The following FKBP10 variants were observed in gnomAD, a reference collection of about 807,000 sequenced individuals.
FKBP10 encodes FKBP prolyl isomerase 10.
In FKBP10, 34 loss-of-function variants were observed where a neutral mutation model predicts 53.7. The ratio of observed to expected loss-of-function variants is 0.63; its 90% CI spans 0.48 to 0.84. The LOEUF (loss-of-function observed/expected upper bound fraction) is 0.84, where lower values mean the gene tolerates loss of function less well. Among genes scored for constraint, FKBP10 ranks in the 40% least tolerant of loss-of-function variants. FKBP10 has a pLI of 0.00. For missense variants in FKBP10, 748 were observed against 797.8 expected (o/e 0.94, Z 0.75); for synonymous variants, 324 against 335.7 (o/e 0.97, Z 0.38).
At position 41,821,778 on chromosome 17, in the gene FKBP10, CAT is replaced by C. The variant is rs1441460398; in HGVS notation, c.1525_1526del (p.Met509GlyfsTer23). 1.9e-6 allele frequency: 3 copies of C among 1,614,080 alleles called. No homozygotes were observed. Among genetic ancestry groups the C allele is most frequent in the Non-Finnish European group, 2.5e-6 (3 of 1,180,036 alleles). ...ACCCTCCTGCCAACCTGTTTGAAGA[CAT>C]GGACCTCAACAAGGATGGCGAGGTC... Reference protein sequence around the residue: ...KDPPANLFEDMDLNKDGEVPP... With the variant: ...KDPPANLFEDXDLNKDGEVPP... On this transcript the variant is annotated frameshift_variant, in exon 9 of 10. Coordinates refer to ENST00000321562, the MANE Select transcript of FKBP10 (RefSeq NM_021939.4). LOFTEE classifies it high-confidence loss of function.
At position 41,821,831 on chromosome 17, in the gene FKBP10, C is replaced by G. The variant is rs782776800; in HGVS notation, c.1563+14C>G. The G allele has an allele frequency of 5.0e-6, 8 of 1,613,894 alleles. No homozygotes were observed. The highest frequency in any genetic ancestry group is 5.9e-6 in the Non-Finnish European group (7 of 1,179,998). Reference sequence around the variant, plus strand: ...CCTCCGGAGGAGGTGGGTGAAGGTTCAGTCCTAATAGCCATGCCCACGCAA... The same window carrying G: ...CCTCCGGAGGAGGTGGGTGAAGGTTGAGTCCTAATAGCCATGCCCACGCAA... On this transcript the variant is annotated intron_variant, in intron 9 of 9. Coordinates refer to ENST00000321562, the MANE Select transcript of FKBP10 (RefSeq NM_021939.4).
chr17:41,818,752 G>A, intron 4 of FKBP10: 1 of 568,868 alleles, frequency 1.8e-6, no homozygotes, highest in Non-Finnish European at 3.1e-6. Flanking sequence ...AGGATCACGA[G>A]GTCAGGAGAT....
At chr17:41,820,621 T>C (rs749517119) in intron 7 of FKBP10, 160 bp downstream of exon 7, 6 of 781,388 alleles carry the variant, frequency 7.7e-6, no homozygotes, top group East Asian at 2.5e-5. Context: ...TCTCGGAGCA[T>C]GTCGAGGAGA....
At position 41,818,560 on chromosome 17, in the gene FKBP10, C is replaced by T. The variant is rs376634516; in HGVS notation, c.727+33C>T. 1.1e-4 allele frequency: 179 copies of T among 1,613,520 alleles called. 3 individuals are homozygous for T. In the East Asian group the frequency reaches 2.3e-3, roughly 21 times the overall value. On this transcript the variant is annotated intron_variant, in intron 4 of 9. Transcript: ENST00000321562. ...TGGGCAAGGACACAAGGGGAAATTC[C>T]GCAGAAGAGGGAAAAACCAGGCCTC...
intron 6 of FKBP10, chr17:41,819,970 T>G: frequency 6.5e-7 from 1 of 1,527,938 alleles, no homozygotes; most frequent in Non-Finnish European, 8.8e-7. Context: ...CCAGCTGTGC[T>G]GGGAGCCTCA....
In FKBP10 at chr17:41,819,409, G is replaced by C. The variant is rs782708556; in HGVS notation, c.917+10G>C. 2.1e-6 allele frequency: 3 copies of C among 1,435,884 alleles called. No homozygotes were observed. The African/African-American group carries it at 4.2e-5, about 20-fold the overall frequency. The allele number at this position is 1,435,884 out of a possible 1,614,324, so 88.9% of individuals were successfully genotyped here. A position where few individuals can be genotyped will look rare whatever the true frequency, so the allele number is the denominator to read the frequency against. ...CCCTCTTCGATTCCAGGTCAGGAGG[G>C]TCTTGAGGTGGGAGGGCGGGGGCTG... On this transcript the variant is annotated intron_variant, in intron 5 of 9. Coordinates refer to ENST00000321562, the MANE Select transcript of FKBP10 (RefSeq NM_021939.4).
chr17:41,818,465 G>A lies in FKBP10; in HGVS notation c.665G>A (p.Cys222Tyr). Residue 222 changes from cysteine to tyrosine, a missense_variant, in exon 4 of 10, where the codon TGT (cysteine) becomes TAT (tyrosine). Cys to Tyr is a radical substitution (Grantham distance 194, BLOSUM62 -2). Coordinates refer to ENST00000321562, the MANE Select transcript of FKBP10 (RefSeq NM_021939.4). Reference sequence around the variant, plus strand: ...ATGGACCAGGGGCTGCTGGGCATGTGTCCTGGAGAGAGAAGGAAGATTATC... The same window carrying A: ...ATGGACCAGGGGCTGCTGGGCATGTATCCTGGAGAGAGAAGGAAGATTATC... ...KGMDQGLLGM[C>Y]PGERRKIIIP... 6.2e-7 allele frequency: 1 copy of A among 1,614,236 alleles called. No individual in the cohort carries two copies. The highest frequency in any genetic ancestry group is 8.5e-7 in the Non-Finnish European group (1 of 1,180,044).
At chr17:41,817,243 C>T in intron 2 of FKBP10, 40 bp downstream of exon 2, 1 of 1,605,632 alleles carries the variant, frequency 6.2e-7, no homozygotes, top group Non-Finnish European at 8.5e-7. Context: ...TGGAGGAGAC[C>T]ACGAGGCAGA....
chr17:41,817,064 TC>T lies in FKBP10; in HGVS notation c.253del (p.Arg85AlafsTer74). 6.2e-7 allele frequency: 1 copy of T among 1,614,016 alleles called. No homozygotes were observed. Among genetic ancestry groups the T allele is most frequent in the African/African-American group, 1.3e-5 (1 of 75,046 alleles). Reference sequence around the variant, plus strand: ...TCTGTCCCTCCCCCCCCAGCTATGATCGCAACACCTTGGTGGCCATCGTGGT... The same window carrying T: ...TCTGTCCCTCCCCCCCCAGCTATGATGCAACACCTTGGTGGCCATCGTGGT... ...DGKKFDSSYD[R>X]NTLVAIVVGV... On this transcript the variant is annotated frameshift_variant, in exon 2 of 10. Transcript: ENST00000321562. LOFTEE classifies it high-confidence loss of function.
intron 1 of FKBP10, 23 bp from the exon 2 acceptor site, chr17:41,817,035 C>G: frequency 6.2e-7 from 1 of 1,613,882 alleles, no homozygotes; most frequent in South Asian, 1.1e-5. Flanking sequence ...GTCACTGTAT[C>G]CCATCTGTCC....
At chr17:41,821,525 A>T in intron 8 of FKBP10, 129 bp from the exon 9 acceptor site, 1 of 1,169,244 alleles carries the variant, frequency 8.6e-7, no homozygotes. Context: ...GGCTCCTTAA[A>T]CATCCCATGC....
At chr17:41,815,083 A>AT (rs2047797737) in intron 1 of FKBP10, among the ~76,000 whole-genome samples, 1 of 151,942 alleles carries the variant, frequency 6.6e-6, no homozygotes. Context: ...ACACCCGGCT[A>AT]ATTTTTTTGT....
At chr17:41,813,957 T>C (rs970979544) in intron 1 of FKBP10, among the ~76,000 whole-genome samples, 165 of 152,166 alleles carry the variant, frequency 1.1e-3, no homozygotes, top group African/African-American at 3.8e-3. Flanking sequence ...TCTCTCTCCA[T>C]TTTAGGTACA....
intron 9 of FKBP10, 45 bp from the exon 10 acceptor site, chr17:41,822,178 G>A: frequency 1.3e-6 from 2 of 1,584,412 alleles, no homozygotes; most frequent in Non-Finnish European, 1.7e-6. Flanking sequence ...CCCTCCCAAG[G>A]CCATGACCCT....
chr17:41,821,953 G>C, intron 9 of FKBP10, 136 bp downstream of exon 9: 1 of 1,125,796 alleles, frequency 8.9e-7, no homozygotes, highest in East Asian at 2.5e-5. Flanking sequence ...CACGCCTCAG[G>C]CTCCTTGTCC....
At chr17:41,813,711 C>T (rs2047779058) in intron 1 of FKBP10, among the ~76,000 whole-genome samples, 1 of 152,146 alleles carries the variant, frequency 6.6e-6, no homozygotes, top group African/African-American at 2.4e-5. Flanking sequence ...GTTTTCAGTG[C>T]CTTTGTGGTC....
chr17:41,822,616 T>TC lies in FKBP10; in HGVS notation c.*211dup. 1.6e-6 allele frequency: 1 copy of TC among 627,814 alleles called. No individual in the cohort carries two copies. Among genetic ancestry groups the TC allele is most frequent in the East Asian group, 2.8e-5 (1 of 35,656 alleles). 38.9% of individuals were successfully genotyped at this position (627,814 alleles called of 1,614,324 possible). ...AGACCTCTACCGTGTTTCTCTTCCA[T>TC]CCCTAAACCACTTCCTTAAAATGTT... On this transcript the variant is annotated 3_prime_UTR_variant, in exon 10 of 10. Coordinates refer to ENST00000321562, the MANE Select transcript of FKBP10 (RefSeq NM_021939.4).
At chr17:41,813,427 G>T in intron 1 of FKBP10, 148 bp downstream of exon 1, 1 of 1,008,360 alleles carries the variant, frequency 9.9e-7, no homozygotes, top group Admixed American at 2.0e-5. Flanking sequence ...TCTCCCCAAA[G>T]ATACCCTCCT....
Position 41,817,970 on chromosome 17 carries a change from T to A in FKBP10, c.392-119T>A, listed in dbSNP as rs1597906139. 11 of 1,033,734 alleles carry A rather than the reference T, an allele frequency of 1.1e-5. No homozygotes were observed. The East Asian group carries it at 2.9e-4, about 27-fold the overall frequency. The allele number at this position is 1,033,734 out of a possible 1,614,324, so 64.0% of individuals were successfully genotyped here. A position where few individuals can be genotyped will look rare whatever the true frequency, so the allele number is the denominator to read the frequency against. ...AAAAAAACAAAAATAGTGGCATCTC[T>A]GTCCCTGGTTTGGGTCTCTTGGTGC... On this transcript the variant is annotated intron_variant, in intron 2 of 9. Coordinates refer to ENST00000321562, the MANE Select transcript of FKBP10 (RefSeq NM_021939.4).
Sources: gnomAD v4.1 joint callset for allele counts (sites outside exome capture counted in the v4.1 genomes callset) on GRCh38, gnomAD v4.1.1 for gene constraint, MANE v1.5 for transcripts, NCBI Gene and HGNC (gene_info 2026-07-23, HGNC 2026-07-21) for gene names.